Variants in PCIF1 observed in about 807,000 individuals in gnomAD.
The protein encoded by PCIF1 is mRNA (2'-O-methyladenosine-N(6)-)-methyltransferase.
PCIF1 carries 12 observed loss-of-function variants against 86.9 expected under a neutral mutation model. That is an observed-to-expected ratio of 0.14 (90% CI 0.09 to 0.22). The LOEUF (loss-of-function observed/expected upper bound fraction) is 0.22, where lower values mean the gene tolerates loss of function less well. PCIF1 is among the 10% of genes least tolerant of loss of function. PCIF1 has a pLI of 1.00. For missense variants in PCIF1, 701 were observed against 951.1 expected (o/e 0.74, Z 3.46); for synonymous variants, 397 against 372.0 (o/e 1.07, Z -0.77).
In PCIF1 at chr20:45,939,045, C is replaced by T. The variant is rs1215956418; in HGVS notation, c.46C>T (p.Leu16=). Residue 16 remains leucine (L), a synonymous_variant, in exon 3 of 17, where the codon CTG becomes TTG. Coordinates refer to ENST00000372409, the MANE Select transcript of PCIF1 (RefSeq NM_022104.4). ...CAGCCCCCGGGAGGAAGCGTCCCTGCTGAGTCACTCCCCAGGTACCTCCAA... is the reference window on the plus strand; with the variant it reads ...CAGCCCCCGGGAGGAAGCGTCCCTGTTGAGTCACTCCCCAGGTACCTCCAA... The part of the protein sequence containing the change: ...HGSPREEASL[L]SHSPGTSNQS... 1 of 1,613,956 alleles carries T rather than the reference C, an allele frequency of 6.2e-7. No homozygotes were observed. Among genetic ancestry groups the T allele is most frequent in the Non-Finnish European group, 8.5e-7 (1 of 1,179,996 alleles).
In PCIF1 at chr20:45,940,875, A is replaced by G. The variant is rs778640382; in HGVS notation, c.454A>G (p.Thr152Ala). 6.2e-6 allele frequency: 10 copies of G among 1,614,144 alleles called. No homozygotes were observed. Among genetic ancestry groups the G allele is most frequent in the African/African-American group, 2.7e-5 (2 of 75,058 alleles). ...PSSPSIPGTP[T>A]LKMWGTSPED... ...CTCCCCCAGTATCCCAGGAACCCCA[A>G]CGCTGAAGATGTGGGGTACGTCCCC... Residue 152 changes from threonine to alanine, a missense_variant, in exon 6 of 17, where the codon ACG (threonine) becomes GCG (alanine). Physicochemically the swap from Thr to Ala is moderately conservative, Grantham distance 58. This residue lies in a region of PCIF1 where 125 missense variants were observed against 126.8 expected (regional missense o/e 0.99). Coordinates refer to ENST00000372409, the MANE Select transcript of PCIF1 (RefSeq NM_022104.4).
chr20:45,947,737 CG>C lies in PCIF1; in HGVS notation c.2098del (p.Glu700SerfsTer18). Reference protein sequence around the residue: ...DSGREQGPSREPHPT With the variant: ...DSGREQGPSRXPHPT ...CGGGCCGTGAGCAGGGTCCTAGCCG[CG>C]AGCCTCACCCCACTTAACATATCCT... On this transcript the variant is annotated frameshift_variant, in exon 17 of 17. Coordinates refer to ENST00000372409, the MANE Select transcript of PCIF1 (RefSeq NM_022104.4). LOFTEE classifies it high-confidence loss of function. The surrounding 1 kb of genome is among the most constrained non-coding windows in gnomAD (Gnocchi z 5.4). The C allele has an allele frequency of 6.2e-7, 1 of 1,600,400 alleles. No individual in the cohort carries two copies. The highest frequency in any genetic ancestry group is 8.5e-7 in the Non-Finnish European group (1 of 1,172,864).
chr20:45,939,371 G>C (rs759147351), intron 4 of PCIF1, 32 bp downstream of exon 4: 1 of 1,611,258 alleles, frequency 6.2e-7, no homozygotes, highest in South Asian at 1.1e-5. Flanking sequence ...GGGGGTCTCA[G>C]AGTGGCCTCT....
chr20:45,947,281 C>G lies in PCIF1; in HGVS notation c.1726C>G (p.Pro576Ala), dbSNP rs1310856748. Residue 576 changes from proline (P) to alanine (A), a missense_variant, in exon 16 of 17, where the codon CCG becomes GCG. This residue lies in a region of PCIF1 where 174 missense variants were observed against 206.9 expected (regional missense o/e 0.84). Transcript: ENST00000372409. This position sits in a 1 kb window ranked among gnomAD's most constrained non-coding sequence, Gnocchi z 5.4. ...TCCACAGAGACTGCTTGAGAGCTCA[C>G]CGGAGCCCCTGTCCTTCATCGTGTT... ...SHFERLLESSPEPLSFIVFIP... is the reference protein window; with the variant it reads ...SHFERLLESSAEPLSFIVFIP... The G allele has an allele frequency of 6.2e-7, 1 of 1,613,114 alleles. No individual in the cohort carries two copies. The highest frequency in any genetic ancestry group is 1.7e-5 in the Admixed American group (1 of 59,974).
chr20:45,946,175 G>A (rs766729073), intron 13 of PCIF1, 25 bp from the exon 14 acceptor site: 10 of 1,614,188 alleles, frequency 6.2e-6, no homozygotes, highest in Non-Finnish European at 7.6e-6. Context: ...GTGAGCCCCA[G>A]GTGCTGACGG....
At chr20:45,945,441 GC>G (rs1797029537) in intron 11 of PCIF1, among the ~76,000 whole-genome samples, 1 of 152,192 alleles carries the variant, frequency 6.6e-6, no homozygotes, top group Non-Finnish European at 1.5e-5. Flanking sequence ...CAACCCACGG[GC>G]CTGAGCCTTC....
In PCIF1 at chr20:45,934,689, T is replaced by C; in HGVS notation, c.-303T>C. 2.5e-6 allele frequency: 1 copy of C among 397,730 alleles called. No individual in the cohort carries two copies. The highest frequency in any genetic ancestry group is 4.4e-6 in the Non-Finnish European group (1 of 225,574). The allele number at this position is 397,730 out of a possible 1,614,324, so 24.6% of individuals were successfully genotyped here. Reference sequence around the variant, plus strand: ...GTACCAGCGCATGCGCAGCGCGGAGTCCCGGCCCGGGACACAAGATGGCGG... The same window carrying C: ...GTACCAGCGCATGCGCAGCGCGGAGCCCCGGCCCGGGACACAAGATGGCGG... On this transcript the variant is annotated 5_prime_UTR_variant, in exon 1 of 17. Transcript: ENST00000372409.
rs1234550429 is a variant in PCIF1, at chr20:45,943,090, C to T, written c.674-7C>T. 1.9e-6 allele frequency: 3 copies of T among 1,613,416 alleles called. No homozygotes were observed. The highest frequency in any genetic ancestry group is 1.7e-5 in the Admixed American group (1 of 59,998). On this transcript the variant is annotated splice_region_variant and splice_polypyrimidine_tract_variant and intron_variant, in intron 7 of 16. Transcript: ENST00000372409. The surrounding 1 kb of genome is among the most constrained non-coding windows in gnomAD (Gnocchi z 5.5). ...TCCAGGCCTTCAGCAGCTCTCCTGT[C>T]CTGCAGGCATTGAGCCTCCACGGGA...
chr20:45,946,493 C>CAGGGA, intron 14 of PCIF1, 109 bp downstream of exon 14: 4 of 1,251,104 alleles, frequency 3.2e-6, no homozygotes, highest in Non-Finnish European at 4.5e-6. Context: ...GGAGTCCCTG[C>CAGGGA]CTCCACCTCT....
chr20:45,947,384 TC>T lies in PCIF1; in HGVS notation c.1831del (p.Leu611CysfsTer53). 6.2e-7 allele frequency: 1 copy of T among 1,614,026 alleles called. No individual in the cohort carries two copies. The highest frequency in any genetic ancestry group is 8.5e-7 in the Non-Finnish European group (1 of 1,180,028). On this transcript the variant is annotated frameshift_variant, in exon 16 of 17. Coordinates refer to ENST00000372409, the MANE Select transcript of PCIF1 (RefSeq NM_022104.4). LOFTEE classifies it high-confidence loss of function. The surrounding 1 kb of genome is among the most constrained non-coding windows in gnomAD (Gnocchi z 5.4). ...AGCCGCTTCAAACGCCACCAGTTGATCCTGCCTGCCTTTGAGCATGAGTACC... is the reference window on the plus strand; with the variant it reads ...AGCCGCTTCAAACGCCACCAGTTGATCTGCCTGCCTTTGAGCATGAGTACC... The part of the protein sequence containing the change: ...EQSRFKRHQL[I>X]LPAFEHEYRS...
At chr20:45,942,309 C>CTTTTTT (rs71181876) in intron 7 of PCIF1, among the ~76,000 whole-genome samples, 12 of 109,326 alleles carry the variant, frequency 1.1e-4, no homozygotes, top group Non-Finnish European at 2.0e-4. Flanking sequence ...TTATGTAATA[C>CTTTTTT]TTTTTTTTTT....
rs960050861 is a variant in PCIF1 at position 45,934,761 on chromosome 20, G to C, written c.-231G>C. The C allele has an allele frequency of 2.5e-6, 1 of 398,538 alleles. No homozygotes were observed. The highest frequency in any genetic ancestry group is 3.6e-5 in the East Asian group (1 of 28,040). 24.7% of individuals were successfully genotyped at this position (398,538 alleles called of 1,614,324 possible). A position where few individuals can be genotyped will look rare whatever the true frequency, so the allele number is the denominator to read the frequency against. On this transcript the variant is annotated 5_prime_UTR_variant, in exon 1 of 17. Coordinates refer to ENST00000372409, the MANE Select transcript of PCIF1 (RefSeq NM_022104.4). ...GGCGGAGGCGGCAAAACGGGCGGTC[G>C]AGCAGAACGTGTAGCCGCGTCCCCT...
intron 7 of PCIF1, among the ~76,000 whole-genome samples, chr20:45,942,528 T>A (rs947731718): frequency 6.6e-6 from 1 of 151,754 alleles, no homozygotes; most frequent in African/African-American, 2.4e-5. Context: ...TTGGCAAGGC[T>A]GGTCTCTAAC....
chr20:45,941,359 C>T (rs2083468243), intron 7 of PCIF1, 152 bp downstream of exon 7: 1 of 877,686 alleles, frequency 1.1e-6, no homozygotes, highest in Non-Finnish European at 1.7e-6. Context: ...GAGCAAGACC[C>T]TCTTTCAAAA....
chr20:45,940,588 C>T lies in PCIF1; in HGVS notation c.363C>T (p.Ser121=), dbSNP rs1333820711. 10 of 1,611,212 alleles carry T rather than the reference C, an allele frequency of 6.2e-6. No homozygotes were observed. The highest frequency in any genetic ancestry group is 6.8e-6 in the Non-Finnish European group (8 of 1,178,660). ...RKRQLSEEQP[S]GNGVKKPKIE... The stretch of plus-strand genomic sequence containing the variant: ...GGCAGCTCTCGGAAGAGCAGCCAAG[C>T]GGCAATGGTGTGAAGAAGCCCAAGG... The change falls in exon 5 of 17, where the codon AGC becomes AGT. Residue 121 remains serine (S), a synonymous_variant. Transcript: ENST00000372409.
chr20:45,945,333 A>G (rs1247351087), intron 11 of PCIF1, among the ~76,000 whole-genome samples: 1 of 152,226 alleles, frequency 6.6e-6, no homozygotes, highest in African/African-American at 2.4e-5. Context: ...ACTCATAGGT[A>G]ACTCAAGTAA....
At chr20:45,946,984 T>C in intron 14 of PCIF1, 89 bp from the exon 15 acceptor site, 1 of 1,084,832 alleles carries the variant, frequency 9.2e-7, no homozygotes, top group Non-Finnish European at 1.4e-6. Context: ...ATCTCTTCAG[T>C]GTGGCTGCCT....
In PCIF1 at chr20:45,939,101, C is replaced by A. The variant is rs947825612; in HGVS notation, c.102C>A (p.Ile34=). The change falls in exon 3 of 17, where the codon ATC becomes ATA. Residue 34 remains isoleucine (I), a synonymous_variant. Coordinates refer to ENST00000372409, the MANE Select transcript of PCIF1 (RefSeq NM_022104.4). ...NQSQPCSPKP[I]RLVQDLPEEL... is the part of the protein sequence containing the mutation. The stretch of plus-strand genomic sequence containing the variant: ...GCCAGCCCTGTTCTCCAAAGCCAAT[C>A]CGCCTGGTTCAGGACCTCCCAGGTA... 3 of 1,614,104 alleles carry A rather than the reference C, an allele frequency of 1.9e-6. No homozygotes were observed. The Admixed American group carries it at 5.0e-5, about 27-fold the overall frequency.
chr20:45,939,751 G>T (rs6104402), intron 4 of PCIF1, among the ~76,000 whole-genome samples: 4 of 152,226 alleles, frequency 2.6e-5, no homozygotes, highest in African/African-American at 9.6e-5. Context: ...GAGTGTTTAA[G>T]GTGAGAGAGT....
Sources: gnomAD v4.1 joint callset for allele counts (sites outside exome capture counted in the v4.1 genomes callset) on GRCh38, gnomAD v4.1.1 for gene constraint, gnomAD v4.1.1 regional missense constraint, Gnocchi (gnomAD v3.1) non-coding constraint, MANE v1.5 for transcripts, NCBI Gene and HGNC (gene_info 2026-07-23, HGNC 2026-07-21) for gene names.